The following RHBDD1 variants were observed in gnomAD, a reference collection of about 807,000 sequenced individuals.
RHBDD1 encodes the protein rhomboid domain containing 1.
RHBDD1 carries 38 observed loss-of-function variants against 36.3 expected under a neutral mutation model. The ratio of observed to expected loss-of-function variants is 1.05; its 90% CI spans 0.81 to 1.37. The LOEUF (loss-of-function observed/expected upper bound fraction) is 1.37, where lower values mean the gene tolerates loss of function less well. Among genes scored for constraint, RHBDD1 ranks in the 40% most tolerant of loss-of-function variants. The pLI, the probability that RHBDD1 is intolerant of heterozygous loss-of-function variation, is 0.00. For missense variants in RHBDD1, 393 were observed against 377.6 expected (o/e 1.04, Z -0.34); for synonymous variants, 151 against 136.5 (o/e 1.11, Z -0.74).
At chr2:226,835,162 C>T (rs1424508955), upstream of RHBDD1, among the ~76,000 whole-genome samples, 2 of 151,854 alleles carry the variant, frequency 1.3e-5, no homozygotes, top group Non-Finnish European at 2.9e-5. Context: ...CCTCCTGCCT[C>T]GACCTCCCAA....
intron 8 of RHBDD1, among the ~76,000 whole-genome samples, chr2:226,933,025 G>C (rs1018463377): frequency 3.3e-5 from 5 of 152,070 alleles, no homozygotes; most frequent in African/African-American, 1.2e-4. Context: ...AAGCAGGCAC[G>C]TTCTTCGCAG....
chr2:226,867,665 C>T, intron 5 of RHBDD1: 1 of 983,536 alleles, frequency 1.0e-6, no homozygotes, highest in South Asian at 4.7e-5. Context: ...AACCACGTAA[C>T]TATAAAGATT....
chr2:226,844,816 G>C (rs2125016121), intron 3 of RHBDD1, among the ~76,000 whole-genome samples: 1 of 152,260 alleles, frequency 6.6e-6, no homozygotes, highest in African/African-American at 2.4e-5. Context: ...ATTGATACTG[G>C]AAATCATAAA....
chr2:226,807,440 T>C, the RHBDD1 span: 2 of 152,338 alleles, frequency 1.3e-5, no homozygotes, highest in Non-Finnish European at 2.9e-5. Context: ...AATGTTGCTA[T>C]TTTGTATTTC....
At chr2:226,804,759 G>A in the RHBDD1 span, 1 of 152,214 alleles carries the variant, frequency 6.6e-6, no homozygotes, top group Admixed American at 6.5e-5. Flanking sequence ...GGAGGGAGGT[G>A]AAAACTCCAT....
chr2:226,842,977 A>T (rs2124993903), intron 3 of RHBDD1, among the ~76,000 whole-genome samples: 1 of 152,244 alleles, frequency 6.6e-6, no homozygotes, highest in Middle Eastern at 3.4e-3. Context: ...CTCCTTGAAG[A>T]GGTCTTTCAC....
chr2:226,963,561 A>G lies in RHBDD1; in HGVS notation c.857-31870A>G, dbSNP rs115047285. Among the ~76,000 whole-genome samples, 857 of 152,122 alleles carry G rather than the reference A, an allele frequency of 5.6e-3. 10 individuals carry two copies. The highest frequency in any genetic ancestry group is 0.02 in the African/African-American group (823 of 41,486). Reference sequence around the variant, plus strand: ...TGTTCTTTGTCTTCCTTTCCAGTTCATTGATTCCTTACTTTGTGGTCTTGC... The same window carrying G: ...TGTTCTTTGTCTTCCTTTCCAGTTCGTTGATTCCTTACTTTGTGGTCTTGC... On this transcript the variant is annotated intron_variant, in intron 8 of 8. Transcript: ENST00000392062.
chr2:226,848,321 T>C (rs1942436162), intron 3 of RHBDD1, among the ~76,000 whole-genome samples: 1 of 152,206 alleles, frequency 6.6e-6, no homozygotes, highest in Admixed American at 6.5e-5. Context: ...TAAAAATGCA[T>C]GAATATCTTA....
At chr2:226,901,486 T>G (rs1274614939) in intron 5 of RHBDD1, among the ~76,000 whole-genome samples, 4 of 152,218 alleles carry the variant, frequency 2.6e-5, no homozygotes, top group Non-Finnish European at 5.9e-5. Flanking sequence ...GCTGAACCAA[T>G]TTACATTCCC....
chr2:226,992,804 G>A (rs768069262), intron 8 of RHBDD1, among the ~76,000 whole-genome samples: 2 of 152,186 alleles, frequency 1.3e-5, no homozygotes, highest in Non-Finnish European at 2.9e-5. Flanking sequence ...CGATGGCCAC[G>A]TGGGGAAGTG....
At position 226,894,372 on chromosome 2, in the gene RHBDD1, T is replaced by C. The variant is rs574003820; in HGVS notation, c.567-12421T>C. 2.6e-3 allele frequency among the ~76,000 whole-genome samples: 401 copies of C among 152,300 alleles called. 1 individual carries two copies. Among genetic ancestry groups the C allele is most frequent in the African/African-American group, 8.6e-3 (356 of 41,558 alleles). ...GCAACTTCTGCCTCTTGGGCTCAAG[T>C]GATTCTCCTGCCTCAGCTTCCCAAG... On this transcript the variant is annotated intron_variant, in intron 5 of 8. Transcript: ENST00000392062.
rs114970419 is a variant in RHBDD1, at chr2:226,888,807, T to C, written c.567-17986T>C. 6.8e-3 allele frequency among the ~76,000 whole-genome samples: 1,038 copies of C among 152,322 alleles called. 5 individuals are homozygous for C. Among genetic ancestry groups the C allele is most frequent in the African/African-American group, 0.024 (986 of 41,578 alleles). On this transcript the variant is annotated intron_variant, in intron 5 of 8. Transcript: ENST00000392062. ...TTTGGTTTTGTTTTCCTCAATCAGGTATTTTACATGAATAACAATTGTGTT... is the reference window on the plus strand; with the variant it reads ...TTTGGTTTTGTTTTCCTCAATCAGGCATTTTACATGAATAACAATTGTGTT...
At chr2:226,936,542 C>T (rs1339642470) in intron 8 of RHBDD1, among the ~76,000 whole-genome samples, 9 of 152,032 alleles carry the variant, frequency 5.9e-5, no homozygotes, top group Non-Finnish European at 1.2e-4. Flanking sequence ...TATTGAAAGG[C>T]ATTATTTGGA....
At chr2:226,834,176 G>T (rs572895142), upstream of RHBDD1, among the ~76,000 whole-genome samples, 99 of 152,296 alleles carry the variant, frequency 6.5e-4, no homozygotes, top group African/African-American at 2.1e-3. Context: ...ACAAGAAAAT[G>T]ATGCAATTAT....
intron 8 of RHBDD1, among the ~76,000 whole-genome samples, chr2:226,994,085 C>CT (rs1958867568): frequency 1.3e-5 from 2 of 152,228 alleles, no homozygotes; most frequent in African/African-American, 4.8e-5. Flanking sequence ...GAGAGCTGGA[C>CT]TGCGGGCACC....
intron 8 of RHBDD1, among the ~76,000 whole-genome samples, chr2:226,921,163 C>G (rs1949281049): frequency 6.6e-6 from 1 of 151,988 alleles, no homozygotes. Context: ...CTCATAGTAG[C>G]CTTTAACAGT....
At chr2:226,994,726 A>G (rs1477845310) in intron 8 of RHBDD1, among the ~76,000 whole-genome samples, 1 of 152,076 alleles carries the variant, frequency 6.6e-6, no homozygotes, top group East Asian at 1.9e-4. Context: ...TCCCTTTATT[A>G]CTACTCATGA....
intron 3 of RHBDD1, among the ~76,000 whole-genome samples, chr2:226,851,025 A>G (rs1438677765): frequency 6.6e-6 from 1 of 152,136 alleles, no homozygotes; most frequent in Non-Finnish European, 1.5e-5. Context: ...CCTTTGAAAC[A>G]AGGAACAAGA....
At chr2:226,889,623 ATTG>A (rs906595513) in intron 5 of RHBDD1, among the ~76,000 whole-genome samples, 4 of 152,222 alleles carry the variant, frequency 2.6e-5, no homozygotes. Context: ...GTCAAAACAT[ATTG>A]TTAGACTTGT....
Sources: allele counts gnomAD v4.1 joint callset (sites outside exome capture counted in the v4.1 genomes callset), GRCh38; gene constraint gnomAD v4.1.1; transcripts MANE v1.5; gene names NCBI Gene and HGNC (gene_info 2026-07-23, HGNC 2026-07-21).